The following CDK19 variants were observed in gnomAD, a reference collection of about 807,000 sequenced individuals.
CDK19 encodes the protein cyclin-dependent kinase 19.
Under a neutral mutation model 68.3 loss-of-function variants are expected in CDK19, and 20 were observed. The ratio of observed to expected loss-of-function variants is 0.29; its 90% CI spans 0.21 to 0.43. The LOEUF is 0.43. Among genes scored for constraint, CDK19 ranks in the 20% least tolerant of loss-of-function variants. The probability of loss-of-function intolerance (pLI) is 1.00; values close to 1 mark genes in which losing one functional copy is unlikely to be tolerated. For synonymous variants in CDK19, 221 were observed against 222.8 expected (o/e 0.99, Z 0.07); for missense variants, 339 against 623.5 (o/e 0.54, Z 4.86).
chr6:110,799,801 CT>C (rs1782223838), intron 1 of CDK19, among the ~76,000 whole-genome samples: 3 of 152,134 alleles, frequency 2.0e-5, no homozygotes, highest in Admixed American at 1.3e-4. Context: ...CGAAGTCTCA[CT>C]ATATTGCTTA....
chr6:110,791,674 T>A (rs1159015858), intron 1 of CDK19, among the ~76,000 whole-genome samples: 1 of 152,186 alleles, frequency 6.6e-6, no homozygotes, highest in Non-Finnish European at 1.5e-5. Context: ...CTTTTTTTTA[T>A]AGAGACAAGG....
At chr6:110,799,149 A>T (rs1014886760) in intron 1 of CDK19, among the ~76,000 whole-genome samples, 1 of 132,436 alleles carries the variant, frequency 7.6e-6, no homozygotes, top group Non-Finnish European at 1.7e-5. Context: ...GTATTTAAAA[A>T]AAAAAAAAAA....
At chr6:110,688,761 G>A (rs575086387) in intron 2 of CDK19, among the ~76,000 whole-genome samples, 1 of 152,312 alleles carries the variant, frequency 6.6e-6, no homozygotes, top group East Asian at 1.9e-4. Context: ...TGCAGACTGA[G>A]GGAAGCCATT....
At chr6:110,729,603 A>ATT (rs35087722) in intron 2 of CDK19, among the ~76,000 whole-genome samples, 86,574 of 134,078 alleles carry the variant, frequency 0.65, 29,586 homozygotes, top group Admixed American at 0.79. Context: ...TAATTTTTGT[A>ATT]TTTTTTTTTT....
chr6:110,716,941 G>A (rs1036255209), intron 2 of CDK19, among the ~76,000 whole-genome samples: 24 of 152,096 alleles, frequency 1.6e-4, no homozygotes, highest in Non-Finnish European at 3.2e-4. Flanking sequence ...AGACCACCCT[G>A]GCCAACACAG....
chr6:110,775,599 TA>T (rs940131929), intron 1 of CDK19, among the ~76,000 whole-genome samples: 3 of 152,132 alleles, frequency 2.0e-5, no homozygotes, highest in African/African-American at 7.2e-5. Flanking sequence ...AACATTCATG[TA>T]AAAAATTAAG....
At chr6:110,658,119 C>T (rs530379620) in intron 4 of CDK19, among the ~76,000 whole-genome samples, 2 of 152,322 alleles carry the variant, frequency 1.3e-5, no homozygotes, top group African/African-American at 2.4e-5. Flanking sequence ...TGTGTCTGAT[C>T]TTCACAAGGC....
intron 2 of CDK19, among the ~76,000 whole-genome samples, chr6:110,716,523 C>T (rs956976935): frequency 6.6e-6 from 1 of 152,056 alleles, no homozygotes; most frequent in African/African-American, 2.4e-5. Flanking sequence ...CTTTGAAAAC[C>T]ACTGTCTTAG....
intron 1 of CDK19, among the ~76,000 whole-genome samples, chr6:110,809,263 C>G (rs1782900734): frequency 6.6e-6 from 1 of 151,788 alleles, no homozygotes. Flanking sequence ...GTCTGTAATC[C>G]CAGCACTTTG....
intron 2 of CDK19, among the ~76,000 whole-genome samples, chr6:110,672,292 C>T (rs1177054049): frequency 2.0e-5 from 3 of 152,130 alleles, no homozygotes; most frequent in Admixed American, 6.6e-5. Context: ...ACTCCACTTC[C>T]GCATCTAAAC....
At chr6:110,799,636 T>C (rs1782209425) in intron 1 of CDK19, among the ~76,000 whole-genome samples, 1 of 152,108 alleles carries the variant, frequency 6.6e-6, no homozygotes, top group African/African-American at 2.4e-5. Flanking sequence ...CTCACTCTGT[T>C]GCCAAGTCTG....
At position 110,785,664 on chromosome 6, in the gene CDK19, G is replaced by A. The variant is rs115003852; in HGVS notation, c.128+29345C>T. ...GTAGAAGGGGAGACAGAAGAGGCAG[G>A]CACACTTAGTGTAACTTTATAGAAA... On this transcript the variant is annotated intron_variant, in intron 1 of 12. Transcript: ENST00000368911. Among the ~76,000 whole-genome samples, 792 of 152,178 alleles carry A rather than the reference G, an allele frequency of 5.2e-3. 6 individuals carry two copies. The highest frequency in any genetic ancestry group is 0.019 in the African/African-American group (770 of 41,510).
At chr6:110,654,508 G>A (rs1306998873) in intron 4 of CDK19, among the ~76,000 whole-genome samples, 1 of 152,176 alleles carries the variant, frequency 6.6e-6, no homozygotes, top group African/African-American at 2.4e-5. Flanking sequence ...TGAGAACTAG[G>A]TACATACTGT....
rs367846327 is a variant in CDK19 at position 110,611,218 on chromosome 6, C to T, written c.*3317G>A. 1 of 152,282 alleles carries T rather than the reference C, an allele frequency of 6.6e-6. No individual in the cohort carries two copies. The highest frequency in any genetic ancestry group is 1.5e-5 in the Non-Finnish European group (1 of 68,096). The allele number at this position is 152,282 out of a possible 1,614,324, so 9.4% of individuals were successfully genotyped here. On this transcript the variant is annotated 3_prime_UTR_variant, in exon 13 of 13. Transcript: ENST00000368911. Reference sequence around the variant, plus strand: ...AATTCCTTTCACAAACACACACCTCCCCAGAAAGCTAACTCTGAAACTGGT... The same window carrying T: ...AATTCCTTTCACAAACACACACCTCTCCAGAAAGCTAACTCTGAAACTGGT...
intron 2 of CDK19, among the ~76,000 whole-genome samples, chr6:110,716,338 T>C (rs996141300): frequency 4.6e-5 from 7 of 152,074 alleles, no homozygotes; most frequent in Non-Finnish European, 1.0e-4. Context: ...GCCACAAAAC[T>C]CATACTTTCT....
At chr6:110,738,327 C>A (rs1408886707) in intron 2 of CDK19, among the ~76,000 whole-genome samples, 2 of 149,690 alleles carry the variant, frequency 1.3e-5, no homozygotes, top group Non-Finnish European at 3.0e-5. Flanking sequence ...CTGGCCAACA[C>A]GGTGAAACCC....
chr6:110,802,319 T>C (rs748299001), intron 1 of CDK19, among the ~76,000 whole-genome samples: 50 of 152,220 alleles, frequency 3.3e-4, no homozygotes, highest in Non-Finnish European at 5.7e-4. Flanking sequence ...ATGTGGTATA[T>C]ATACACCATG....
At chr6:110,697,904 T>C (rs185309308) in intron 2 of CDK19, among the ~76,000 whole-genome samples, 2 of 151,952 alleles carry the variant, frequency 1.3e-5, no homozygotes, top group Non-Finnish European at 2.9e-5. Context: ...AACAAAAATA[T>C]AAAGTGGGGA....
intron 2 of CDK19, among the ~76,000 whole-genome samples, 185 bp downstream of exon 2, chr6:110,745,941 C>T (rs916174927): frequency 6.6e-6 from 1 of 152,082 alleles, no homozygotes; most frequent in African/African-American, 2.4e-5. Flanking sequence ...AAAATGAGAT[C>T]CTGTCTCAAA....
Sources: allele counts gnomAD v4.1 joint callset (sites outside exome capture counted in the v4.1 genomes callset), GRCh38; gene constraint gnomAD v4.1.1; transcripts MANE v1.5; gene names NCBI Gene and HGNC (gene_info 2026-07-23, HGNC 2026-07-21).